The following HPS5 variants were observed in gnomAD, a reference collection of about 807,000 sequenced individuals.
HPS5 encodes BLOC-2 complex member HPS5.
In HPS5, 83 loss-of-function variants were observed where a neutral mutation model predicts 128.0. The ratio of observed to expected loss-of-function variants is 0.65; its 90% CI spans 0.54 to 0.78. The LOEUF (loss-of-function observed/expected upper bound fraction) is 0.78. Among genes scored for constraint, HPS5 ranks in the 30% least tolerant of loss-of-function variants. The probability of loss-of-function intolerance (pLI) is 0.00; values close to 1 mark genes in which losing one functional copy is unlikely to be tolerated. For missense variants in HPS5, 1,281 were observed against 1,326.2 expected, an observed-to-expected ratio of 0.97 and a Z score of 0.53; for synonymous variants, 475 against 470.2, an observed-to-expected ratio of 1.01 and a Z score of -0.13.
chr11:18,283,530 C>T (rs1187814634), intron 21 of HPS5, among the ~76,000 whole-genome samples: 1 of 151,860 alleles, frequency 6.6e-6, no homozygotes, highest in African/African-American at 2.4e-5. Flanking sequence ...ATATGGAAAG[C>T]ACACAGTATA....
At chr11:18,311,222 A>G (rs1862945175) in intron 4 of HPS5, among the ~76,000 whole-genome samples, 165 bp downstream of exon 4, 1 of 152,176 alleles carries the variant, frequency 6.6e-6, no homozygotes, top group Admixed American at 6.5e-5. Flanking sequence ...CCAGCTGTCC[A>G]TTCTGGTTTG....
In HPS5 at chr11:18,297,004, A is replaced by C. The variant is rs1425308864; in HGVS notation, c.1324-20T>G. The C allele has an allele frequency of 2.4e-6, 1 of 410,894 alleles. No individual in the cohort carries two copies. The highest frequency in any genetic ancestry group is 3.5e-6 in the Non-Finnish European group (1 of 284,904). The allele number at this position is 410,894 out of a possible 1,614,324, so 25.5% of individuals were successfully genotyped here. A position where few individuals can be genotyped will look rare whatever the true frequency, so the allele number is the denominator to read the frequency against. ...ACTTTCCTAAAAATTAAAAGAATTCAAAAAAAAAAAAAGGTAAAAATTTCC... is the reference window on the plus strand; with the variant it reads ...ACTTTCCTAAAAATTAAAAGAATTCCAAAAAAAAAAAAGGTAAAAATTTCC... On this transcript the variant is annotated intron_variant, in intron 11 of 22. Transcript: ENST00000349215.
chr11:18,294,940 C>T, intron 14 of HPS5, 80 bp downstream of exon 14: 4 of 1,495,274 alleles, frequency 2.7e-6, no homozygotes, highest in Non-Finnish European at 3.7e-6. Flanking sequence ...CCACAGGCTG[C>T]ACAAGGTTGG....
Position 18,296,911 on chromosome 11 carries a change from T to C in HPS5, c.1397A>G (p.Asp466Gly), listed in dbSNP as rs1861141098. The change falls in exon 12 of 23, where the codon GAC becomes GGC. Residue 466 changes from aspartate to glycine, a missense_variant. Asp to Gly is a moderately conservative substitution (Grantham distance 94). Transcript: ENST00000349215. ...SSRRGSQSDEDSCSLHSQTLS... is the reference protein window; with the variant it reads ...SSRRGSQSDEGSCSLHSQTLS... ...GGTTTGGCTGTGAAGGGAGCAAGAG[T>C]CTTCATCTGACTGACTGCCTCTTCT... The C allele has an allele frequency of 6.2e-7, 1 of 1,611,156 alleles. No homozygotes were observed. The highest frequency in any genetic ancestry group is 8.5e-7 in the Non-Finnish European group (1 of 1,177,692).
At chr11:18,283,701 G>T in intron 21 of HPS5, 94 bp downstream of exon 21, 1 of 804,720 alleles carries the variant, frequency 1.2e-6, no homozygotes. Context: ...TTAAATATAT[G>T]ATCATTGAAA....
intron 5 of HPS5, among the ~76,000 whole-genome samples, chr11:18,310,195 G>A (rs1352208474): frequency 6.6e-6 from 1 of 152,174 alleles, no homozygotes; most frequent in Non-Finnish European, 1.5e-5. Flanking sequence ...GGTAACCTGA[G>A]TCTCAACCCT....
In HPS5 at chr11:18,287,873, C is replaced by T; in HGVS notation, c.2561+20G>A. 1 of 1,613,740 alleles carries T rather than the reference C, an allele frequency of 6.2e-7. No homozygotes were observed. The highest frequency in any genetic ancestry group is 2.2e-5 in the East Asian group (1 of 44,858). On this transcript the variant is annotated intron_variant, in intron 17 of 22. Coordinates refer to ENST00000349215, the MANE Select transcript of HPS5 (RefSeq NM_181507.2). ...ATGCATGTGCTTTAGCTCATATAAA[C>T]AATATACAGGACAACTTACCGGGTA...
rs150421998 is a variant in HPS5 at position 18,295,119 on chromosome 11, G to A, written c.1685C>T (p.Thr562Met). ...TGGTCTCACTTTCAGATCAGGGCTC[G>A]TGTGAAGGGTGCCAATCTTCTCAGT... ...KTTEKIGTLH[T>M]SPDLKVRPEL... Residue 562 changes from threonine (T) to methionine (M), a missense_variant, in exon 14 of 23, where the codon ACG becomes ATG. Thr to Met is a moderately conservative substitution (Grantham distance 81). Transcript: ENST00000349215. 36 of 1,614,074 alleles carry A rather than the reference G, an allele frequency of 2.2e-5. No homozygotes were observed. The highest frequency in any genetic ancestry group is 1.7e-4 in the Middle Eastern group (1 of 6,060).
chr11:18,318,677 A>G (rs1863928079), intron 1 of HPS5, among the ~76,000 whole-genome samples: 1 of 152,252 alleles, frequency 6.6e-6, no homozygotes, highest in South Asian at 2.1e-4. Context: ...AATTCTACTC[A>G]TTAATTATAA....
At chr11:18,297,210 G>A (rs1328329107) in intron 11 of HPS5, among the ~76,000 whole-genome samples, 1 of 152,170 alleles carries the variant, frequency 6.6e-6, no homozygotes, top group Non-Finnish European at 1.5e-5. Flanking sequence ...CATAAAGCTT[G>A]GTAGTGAGAA....
intron 16 of HPS5, among the ~76,000 whole-genome samples, chr11:18,289,033 C>T (rs145112589): frequency 3.3e-3 from 500 of 151,690 alleles, no homozygotes; most frequent in Middle Eastern, 0.01. Flanking sequence ...TGCTACGTTG[C>T]CTAAGCTGGG....
chr11:18,282,715 A>G (rs1176318849), intron 21 of HPS5, among the ~76,000 whole-genome samples: 2 of 152,228 alleles, frequency 1.3e-5, no homozygotes, highest in Non-Finnish European at 2.9e-5. Flanking sequence ...TTAAACACGT[A>G]AGTATATACT....
At chr11:18,319,259 A>G (rs1001662172) in intron 1 of HPS5, among the ~76,000 whole-genome samples, 4 of 122,260 alleles carry the variant, frequency 3.3e-5, no homozygotes, top group African/African-American at 1.1e-4. Context: ...CAAATACCAC[A>G]CACACACACA....
intron 22 of HPS5, 77 bp downstream of exon 22, chr11:18,281,870 TCTC>T (rs1422730532): frequency 1.3e-6 from 2 of 1,516,864 alleles, no homozygotes; most frequent in African/African-American, 1.4e-5. Context: ...GACTAAATGA[TCTC>T]CACATCTACA....
intron 1 of HPS5, among the ~76,000 whole-genome samples, chr11:18,318,878 A>G (rs777762837): frequency 6.6e-6 from 1 of 152,208 alleles, no homozygotes; most frequent in Non-Finnish European, 1.5e-5. Context: ...CGTGCCAGAC[A>G]TTATTCTAGG....
intron 14 of HPS5, 24 bp from the exon 15 acceptor site, chr11:18,293,000 A>G (rs766562472): frequency 1.9e-6 from 3 of 1,587,502 alleles, no homozygotes; most frequent in South Asian, 1.1e-5. Context: ...CAAAATAACA[A>G]TAACATTCAC....
At chr11:18,294,927 G>A (rs1046998202) in intron 14 of HPS5, 93 bp downstream of exon 14, 45 of 1,364,628 alleles carry the variant, frequency 3.3e-5, no homozygotes, top group Admixed American at 1.9e-4. Context: ...TGAGGCCCAC[G>A]GGCCACAGGC....
At chr11:18,316,767 AG>A (rs1863671409) in intron 2 of HPS5, among the ~76,000 whole-genome samples, 1 of 152,232 alleles carries the variant, frequency 6.6e-6, no homozygotes, top group Admixed American at 6.5e-5. Context: ...GCTGTTTGTC[AG>A]GAATTCTCAT....
At chr11:18,302,742 T>C (rs73430881) in intron 8 of HPS5, among the ~76,000 whole-genome samples, 20,751 of 139,394 alleles carry the variant, frequency 0.15, 1,555 homozygotes, top group African/African-American at 0.2. Flanking sequence ...ATCTTTGTCA[T>C]AAAATGCAAG....
Sources: gnomAD v4.1 joint callset for allele counts (sites outside exome capture counted in the v4.1 genomes callset) on GRCh38, gnomAD v4.1.1 for gene constraint, MANE v1.5 for transcripts, NCBI Gene and HGNC (gene_info 2026-07-23, HGNC 2026-07-21) for gene names.